PDE1C: variants seen among roughly 807,000 people sequenced by gnomAD.
PDE1C encodes the protein dual specificity calcium/calmodulin-dependent 3',5'-cyclic nucleotide phosphodiesterase 1C.
PDE1C carries 62 observed loss-of-function variants against 93.1 expected under a neutral mutation model. That is an observed-to-expected ratio of 0.67 (90% CI 0.54 to 0.82). The LOEUF (loss-of-function observed/expected upper bound fraction) is 0.82. PDE1C is among the 40% of genes least tolerant of loss of function. The pLI is 0.00. For missense variants in PDE1C, 742 were observed against 884.6 expected, an observed-to-expected ratio of 0.84 and a Z score of 2.04; for synonymous variants, 325 against 310.1, an observed-to-expected ratio of 1.05 and a Z score of -0.50.
intron 1 of PDE1C, among the ~76,000 whole-genome samples, chr7:32,374,307 GAAGAA>G (rs1003482925): frequency 2.1e-5 from 3 of 144,218 alleles, no homozygotes; most frequent in East Asian, 4.0e-4. Flanking sequence ...AAGAAAGAAA[GAAGAA>G]AAGAAAAGAA....
chr7:31,819,102 G>A (rs964632117), intron 14 of PDE1C, among the ~76,000 whole-genome samples: 1 of 152,028 alleles, frequency 6.6e-6, no homozygotes, highest in African/African-American at 2.4e-5. Context: ...AATCAGATAC[G>A]AGCCTATCCT....
chr7:32,093,404 T>C (rs1797579154), intron 3 of PDE1C, among the ~76,000 whole-genome samples: 1 of 152,232 alleles, frequency 6.6e-6, no homozygotes, highest in East Asian at 1.9e-4. Flanking sequence ...TGCTGCAAAA[T>C]GTCAACTGCA....
chr7:31,756,915 C>T (rs1262351787), intron 17 of PDE1C, among the ~76,000 whole-genome samples: 1 of 152,272 alleles, frequency 6.6e-6, no homozygotes. Context: ...GAGCAGGACA[C>T]ACGGTGGATC....
At chr7:32,113,016 A>G (rs1798759543) in intron 3 of PDE1C, among the ~76,000 whole-genome samples, 2 of 149,582 alleles carry the variant, frequency 1.3e-5, no homozygotes, top group African/African-American at 4.9e-5. Context: ...TCCTTTGGCA[A>G]TGAGGTAAGT....
At chr7:31,889,585 G>T (rs986761298) in intron 2 of PDE1C, among the ~76,000 whole-genome samples, 4 of 152,150 alleles carry the variant, frequency 2.6e-5, no homozygotes, top group Non-Finnish European at 4.4e-5. Context: ...CCACAGAGGA[G>T]CCCTGCATGC....
chr7:31,862,879 C>G (rs1379311316), intron 7 of PDE1C, among the ~76,000 whole-genome samples: 1 of 152,158 alleles, frequency 6.6e-6, no homozygotes, highest in African/African-American at 2.4e-5. Context: ...ACATGCTCAG[C>G]TTCAGTATGT....
chr7:32,085,339 T>G (rs1363996438), intron 3 of PDE1C, among the ~76,000 whole-genome samples: 4 of 128,334 alleles, frequency 3.1e-5, no homozygotes, highest in African/African-American at 9.2e-5. Flanking sequence ...AATAACAGGC[T>G]CTGAAATTGT....
At chr7:32,405,873 A>G (rs367920400) in intron 1 of PDE1C, among the ~76,000 whole-genome samples, 2 of 152,196 alleles carry the variant, frequency 1.3e-5, no homozygotes, top group African/African-American at 4.8e-5. Context: ...GTATTCCACT[A>G]TAAAGGTTGG....
chr7:32,375,733 C>T (rs1032382964), intron 1 of PDE1C, among the ~76,000 whole-genome samples: 4 of 152,218 alleles, frequency 2.6e-5, no homozygotes, highest in African/African-American at 4.8e-5. Flanking sequence ...AGCTTGATGG[C>T]CTGGGCCAGT....
At chr7:31,959,647 T>C (rs1808641551) in intron 2 of PDE1C, among the ~76,000 whole-genome samples, 1 of 152,210 alleles carries the variant, frequency 6.6e-6, no homozygotes, top group African/African-American at 2.4e-5. Flanking sequence ...GAGGATATCA[T>C]GATAGGGTGA....
intron 1 of PDE1C, among the ~76,000 whole-genome samples, chr7:32,393,147 C>A (rs1423870840): frequency 6.8e-6 from 1 of 147,908 alleles, no homozygotes; most frequent in South Asian, 2.2e-4. Flanking sequence ...GAAAAACTTA[C>A]AGCTGAACTC....
intron 16 of PDE1C, among the ~76,000 whole-genome samples, chr7:31,801,682 T>G (rs148678742): frequency 1.3e-5 from 2 of 151,670 alleles, no homozygotes; most frequent in African/African-American, 4.8e-5. Context: ...AAAAAATGAT[T>G]ATATTCTCTT....
At chr7:32,071,089 CA>C, upstream of PDE1C, 1 of 985,474 alleles carries the variant, frequency 1.0e-6, no homozygotes, top group Non-Finnish European at 1.2e-6. Context: ...GGCGCGCGGG[CA>C]CCGCCGTCTG....
intron 1 of PDE1C, among the ~76,000 whole-genome samples, chr7:32,313,446 A>T (rs1783098624): frequency 6.6e-6 from 1 of 151,996 alleles, no homozygotes; most frequent in South Asian, 2.1e-4. Flanking sequence ...ATAAAGACAC[A>T]TGCACACGTA....
At chr7:32,094,696 C>T (rs1015001273) in intron 3 of PDE1C, among the ~76,000 whole-genome samples, 2 of 152,340 alleles carry the variant, frequency 1.3e-5, no homozygotes, top group Admixed American at 6.5e-5. Context: ...GCGGTCCATT[C>T]AGCAGTGAGT....
chr7:31,651,562 TTA>T, the PDE1C span, among the ~76,000 whole-genome samples: 1 of 152,036 alleles, frequency 6.6e-6, no homozygotes, highest in African/African-American at 2.4e-5. Flanking sequence ...AATGTGGGAG[TTA>T]TGAGAGTTTT....
At chr7:31,719,731 G>A in the PDE1C span, among the ~76,000 whole-genome samples, 1 of 152,140 alleles carries the variant, frequency 6.6e-6, no homozygotes, top group Non-Finnish European at 1.5e-5. Flanking sequence ...AGCCCATTGG[G>A]CAGATAAAGT....
chr7:31,687,711 C>G, the PDE1C span, among the ~76,000 whole-genome samples: 1 of 152,286 alleles, frequency 6.6e-6, no homozygotes, highest in South Asian at 2.1e-4. Flanking sequence ...ATGAACAAAT[C>G]TGATTTTAAA....
At chr7:31,967,254 G>A (rs1036603788) in intron 2 of PDE1C, among the ~76,000 whole-genome samples, 13 of 152,152 alleles carry the variant, frequency 8.5e-5, no homozygotes, top group East Asian at 5.8e-4. Context: ...TCAAACAGAC[G>A]CAATAAAAAG....
Sources: allele counts gnomAD v4.1 joint callset (sites outside exome capture counted in the v4.1 genomes callset), GRCh38; gene constraint gnomAD v4.1.1; transcripts MANE v1.5; gene names NCBI Gene and HGNC (gene_info 2026-07-23, HGNC 2026-07-21).